Variants in TTF1 observed in about 807,000 individuals in gnomAD.
The protein encoded by TTF1 is transcription termination factor 1.
In TTF1, 64 loss-of-function variants were observed where a neutral mutation model predicts 80.2. That is an observed-to-expected ratio of 0.80 (90% CI 0.65 to 0.98). TTF1 has a LOEUF of 0.98. Among genes scored for constraint, TTF1 ranks in the 50% least tolerant of loss-of-function variants. TTF1 has a pLI of 0.00. For missense variants in TTF1, 1,023 were observed against 1,086.2 expected, an observed-to-expected ratio of 0.94 and a Z score of 0.82; for synonymous variants, 372 against 382.7, an observed-to-expected ratio of 0.97 and a Z score of 0.33.
rs1849504364 is a variant in TTF1, at chr9:132,388,200, T to G, written c.2251A>C (p.Asn751His). 6.2e-7 allele frequency: 1 copy of G among 1,611,062 alleles called. No homozygotes were observed. Among genetic ancestry groups the G allele is most frequent in the Non-Finnish European group, 8.5e-7 (1 of 1,178,106 alleles). The change falls in exon 8 of 11, where the codon AAT becomes CAT. Residue 751 changes from asparagine to histidine, a missense_variant. Transcript: ENST00000334270. ...WTEILTKRMT[N>H]GRRIYYGMNA... ...ATGCCATAGTAGATACGCCGACCAT[T>G]AGTCATCCTCTTGGTTAGAATTTCT...
At chr9:132,397,800 C>G (rs949330919) in intron 4 of TTF1, among the ~76,000 whole-genome samples, 1 of 151,994 alleles carries the variant, frequency 6.6e-6, no homozygotes, top group Non-Finnish European at 1.5e-5. Flanking sequence ...TCCTGGCTAA[C>G]AAGGTGAAAC....
chr9:132,396,320 C>T, intron 5 of TTF1, 113 bp downstream of exon 5: 1 of 1,085,078 alleles, frequency 9.2e-7, no homozygotes, highest in South Asian at 1.3e-5. Flanking sequence ...TGGTTTCACA[C>T]ACACAAATCT....
intron 1 of TTF1, among the ~76,000 whole-genome samples, chr9:132,403,269 AC>A (rs1198114990): frequency 2.6e-5 from 4 of 152,202 alleles, no homozygotes; most frequent in African/African-American, 9.7e-5. Flanking sequence ...TATTCTAGAT[AC>A]ACAGGTGGCT....
chr9:132,377,656 T>TGTGTGAGTGCATGTG (rs1849239748), intron 10 of TTF1, among the ~76,000 whole-genome samples: 4 of 123,358 alleles, frequency 3.2e-5, no homozygotes, highest in African/African-American at 9.6e-5. Context: ...GCATGTGGTG[T>TGTGTGAGTGCATGTG]GTGTGAGTGC....
intron 1 of TTF1, among the ~76,000 whole-genome samples, chr9:132,403,622 A>T (rs866542747): frequency 6.6e-6 from 1 of 152,162 alleles, no homozygotes; most frequent in African/African-American, 2.4e-5. Context: ...TTTCATATTT[A>T]AAAAAGAAAC....
In TTF1 at chr9:132,402,028, T is replaced by G; in HGVS notation, c.794A>C (p.Gln265Pro). 1 of 1,614,026 alleles carries G rather than the reference T, an allele frequency of 6.2e-7. No homozygotes were observed. ...TTTTTTGTGAGTAGGTCCTAGTAGTTGTGGAGTTTCATCATCCAAGCCCAC... is the reference window on the plus strand; with the variant it reads ...TTTTTTGTGAGTAGGTCCTAGTAGTGGTGGAGTTTCATCATCCAAGCCCAC... Reference protein sequence around the residue: ...PTVGLDDETPQLLGPTHKKKS... With the variant: ...PTVGLDDETPPLLGPTHKKKS... The change falls in exon 2 of 11, where the codon CAA (glutamine) becomes CCA (proline). Residue 265 changes from glutamine to proline, a missense_variant. Physicochemically the swap from Gln to Pro is moderately conservative, Grantham distance 76. Coordinates refer to ENST00000334270, the MANE Select transcript of TTF1 (RefSeq NM_007344.4).
chr9:132,400,465 G>A (rs1470610204), intron 2 of TTF1, among the ~76,000 whole-genome samples: 1 of 152,150 alleles, frequency 6.6e-6, no homozygotes, highest in Non-Finnish European at 1.5e-5. Context: ...TGGGACTACA[G>A]GTACGCGCCA....
Position 132,378,264 on chromosome 9 carries a change from G to A in TTF1, c.2464+795C>T, listed in dbSNP as rs531259067. ...GTGTGAGTGCATGTGGTGTGTGTGAGTGCATGTGGTGTGTGAATGCATGTG... is the reference window on the plus strand; with the variant it reads ...GTGTGAGTGCATGTGGTGTGTGTGAATGCATGTGGTGTGTGAATGCATGTG... On this transcript the variant is annotated intron_variant, in intron 10 of 10. Coordinates refer to ENST00000334270, the MANE Select transcript of TTF1 (RefSeq NM_007344.4). Among the ~76,000 whole-genome samples the A allele has an allele frequency of 1.2e-3, 166 of 135,450 alleles. 1 individual carries two copies. The highest frequency in any genetic ancestry group is 4.1e-3 in the African/African-American group (144 of 35,518). 88.9% of individuals were successfully genotyped at this position (135,450 alleles called of 152,430 possible).
At position 132,401,554 on chromosome 9, in the gene TTF1, T is replaced by A; in HGVS notation, c.1268A>T (p.Glu423Val). 6.2e-7 allele frequency: 1 copy of A among 1,614,148 alleles called. No homozygotes were observed. Among genetic ancestry groups the A allele is most frequent in the Non-Finnish European group, 8.5e-7 (1 of 1,180,032 alleles). ...NSESTLFDSV[E>V]GDGAMMEEGV... ...TTCTTCCATCATGGCGCCATCACCT[T>A]CTACTGAATCAAAGAGTGTGCTCTC... Residue 423 changes from glutamate (E) to valine (V), a missense_variant, in exon 2 of 11, where the codon GAA (glutamate) becomes GTA (valine). Glu to Val is a moderately radical substitution (Grantham distance 121). Coordinates refer to ENST00000334270, the MANE Select transcript of TTF1 (RefSeq NM_007344.4).
At chr9:132,378,545 TGTG>T (rs1409853732) in intron 10 of TTF1, among the ~76,000 whole-genome samples, 2 of 127,880 alleles carry the variant, frequency 1.6e-5, no homozygotes, top group African/African-American at 3.3e-5. Flanking sequence ...TGTGAGTGCA[TGTG>T]GTGTGTGAAT....
intron 9 of TTF1, among the ~76,000 whole-genome samples, chr9:132,385,576 ACT>A (rs1849451371): frequency 6.6e-6 from 1 of 151,762 alleles, no homozygotes. Flanking sequence ...CGCATTCACT[ACT>A]CTCTGTCCGA....
chr9:132,378,662 T>TGGTGG (rs1554728128), intron 10 of TTF1, among the ~76,000 whole-genome samples: 2 of 117,506 alleles, frequency 1.7e-5, no homozygotes, highest in Admixed American at 8.7e-5. Context: ...AGTGCATACG[T>TGGTGG]GTGTGAGTGC....
intron 7 of TTF1, among the ~76,000 whole-genome samples, chr9:132,390,321 A>G (rs895303708): frequency 6.6e-6 from 1 of 152,172 alleles, no homozygotes; most frequent in Non-Finnish European, 1.5e-5. Flanking sequence ...ACCTTGTTTT[A>G]TTAAAGACTT....
At chr9:132,405,131 A>C (rs998011865) in intron 1 of TTF1, among the ~76,000 whole-genome samples, 21 of 151,984 alleles carry the variant, frequency 1.4e-4, no homozygotes, top group Admixed American at 1.4e-3. Flanking sequence ...TTGTGATCCA[A>C]CCGCCTCGGC....
chr9:132,402,062 G>A lies in TTF1; in HGVS notation c.760C>T (p.Gln254Ter), dbSNP rs759830456. The change falls in exon 2 of 11, where the codon CAG (glutamine) becomes TAG (stop). Residue 254 changes from glutamine (Q) to a stop codon, truncating the protein, a stop_gained. Coordinates refer to ENST00000334270, the MANE Select transcript of TTF1 (RefSeq NM_007344.4). LOFTEE classifies it high-confidence loss of function. ...REAGTDMQES[Q>*]PTVGLDDETP... ...TCATCATCCAAGCCCACAGTAGGCT[G>A]GGATTCCTGCATATCAGTCCCGGCC... 4.3e-6 allele frequency: 7 copies of A among 1,613,980 alleles called. No individual in the cohort carries two copies. The highest frequency in any genetic ancestry group is 2.5e-6 in the Non-Finnish European group (3 of 1,180,040).
chr9:132,377,584 T>A (rs1296713957), intron 10 of TTF1, among the ~76,000 whole-genome samples: 3 of 26,128 alleles, frequency 1.1e-4, no homozygotes, highest in African/African-American at 1.8e-4. Context: ...ATGTGGTGTG[T>A]GTGAGTGCAT....
At chr9:132,389,096 G>A (rs1849517532) in intron 7 of TTF1, among the ~76,000 whole-genome samples, 1 of 151,452 alleles carries the variant, frequency 6.6e-6, no homozygotes, top group African/African-American at 2.4e-5. Context: ...TGTTGATCTT[G>A]AACCAGTACT....
At chr9:132,388,921 G>C (rs919283703) in intron 7 of TTF1, among the ~76,000 whole-genome samples, 3 of 152,206 alleles carry the variant, frequency 2.0e-5, no homozygotes, top group African/African-American at 7.2e-5. Flanking sequence ...TACACACGCT[G>C]ATCAACAACA....
intron 10 of TTF1, 137 bp from the exon 11 acceptor site, chr9:132,376,305 T>C: frequency 1.1e-6 from 1 of 950,328 alleles, no homozygotes; most frequent in Middle Eastern, 3.4e-4. Context: ...CCAATTGGTT[T>C]ACCCACATTC....
Sources: allele counts gnomAD v4.1 joint callset (sites outside exome capture counted in the v4.1 genomes callset), GRCh38; gene constraint gnomAD v4.1.1; transcripts MANE v1.5; gene names NCBI Gene and HGNC (gene_info 2026-07-23, HGNC 2026-07-21).